The following KDM6A variants were observed in gnomAD, a reference collection of about 807,000 sequenced individuals.
KDM6A encodes the protein lysine demethylase 6A.
KDM6A carries 11 observed loss-of-function variants against 117.6 expected under a neutral mutation model. The ratio of observed to expected loss-of-function variants is 0.09; its 90% CI spans 0.06 to 0.15. KDM6A has a LOEUF of 0.15. Ranked by LOEUF, KDM6A falls within the 10% of genes least tolerant of loss-of-function variation. The pLI is 1.00. For synonymous variants in KDM6A, 384 were observed against 396.1 expected (o/e 0.97, Z 0.36); for missense variants, 799 against 1,077.3 (o/e 0.74, Z 3.62).
intron 4 of KDM6A, among the ~76,000 whole-genome samples, chrX:44,988,976 T>G (rs971461739): frequency 1.8e-5 from 2 of 109,607 alleles, no homozygotes; most frequent in African/African-American, 3.3e-5. Flanking sequence ...TTCTGCTGCC[T>G]TTTGTTTGGC....
intron 2 of KDM6A, among the ~76,000 whole-genome samples, chrX:44,937,721 A>G (rs774310415): frequency 4.5e-5 from 5 of 112,163 alleles, no homozygotes; most frequent in African/African-American, 1.6e-4. Context: ...TGAGTATTCA[A>G]GTGAAAGACA....
chrX:44,930,665 A>G (rs1415800125), intron 2 of KDM6A, among the ~76,000 whole-genome samples: 1 of 112,307 alleles, frequency 8.9e-6, no homozygotes, highest in Non-Finnish European at 1.9e-5. Flanking sequence ...TTTCAGGGGT[A>G]TGAAATAGTG....
rs371521010 is a variant in KDM6A, at chrX:45,061,329, T to G, written c.1491T>G (p.Thr497=). 4.6e-5 allele frequency: 53 copies of G among 1,152,640 alleles called. No individual in the cohort carries two copies. Among genetic ancestry groups the G allele is most frequent in the Non-Finnish European group, 6.0e-5 (51 of 846,465 alleles). The allele number at this position is 1,152,640 out of a possible 1,213,427, so 95.0% of individuals were successfully genotyped here. A position where few individuals can be genotyped will look rare whatever the true frequency, so the allele number is the denominator to read the frequency against. ...RKRTSSPTKN[T]SDNWSGGHAV... is the part of the protein sequence containing the mutation. ...TTTAAATCGATTTTCCTCAGAATACTTCTGACAATTGGAGTGGTGGACATG... is the reference window on the plus strand; with the variant it reads ...TTTAAATCGATTTTCCTCAGAATACGTCTGACAATTGGAGTGGTGGACATG... The change falls in exon 15 of 30, where the codon ACT becomes ACG. Residue 497 remains threonine (T), a synonymous_variant. Coordinates refer to ENST00000611820, the MANE Select transcript of KDM6A (RefSeq NM_001291415.2).
Position 45,078,483 on chromosome X carries a change from C to G in KDM6A, c.3072C>G (p.Gly1024=), listed in dbSNP as rs140462874. ...ACAACCCTGTTACAGTAATACGTGG[C>G]CTTGCTGGAGCTCTTAAGTTAGGTA... ...NPNNPVTVIR[G]LAGALKLDLG... is the part of the protein sequence containing the mutation. Residue 1024 remains glycine (G), a synonymous_variant, in exon 20 of 30, where the codon GGC becomes GGG. Coordinates refer to ENST00000611820, the MANE Select transcript of KDM6A (RefSeq NM_001291415.2). 112 of 1,205,700 alleles carry G rather than the reference C, an allele frequency of 9.3e-5. No homozygotes were observed. The highest frequency in any genetic ancestry group is 1.2e-4 in the Non-Finnish European group (108 of 892,411).
intron 2 of KDM6A, among the ~76,000 whole-genome samples, chrX:44,912,262 G>T (rs2035250892): frequency 9.1e-6 from 1 of 109,620 alleles, no homozygotes; most frequent in Non-Finnish European, 1.9e-5. Flanking sequence ...CAGTTTTTTT[G>T]TATTTTTAGT....
chrX:45,034,809 T>C, intron 6 of KDM6A, 122 bp from the exon 7 acceptor site: 1 of 559,188 alleles, frequency 1.8e-6, no homozygotes, highest in South Asian at 2.4e-5. Context: ...TAGGCTAGTG[T>C]ATTTTATTTG....
chrX:44,930,812 A>C (rs1414327426), intron 2 of KDM6A, among the ~76,000 whole-genome samples: 1 of 112,186 alleles, frequency 8.9e-6, no homozygotes. Context: ...TGGAATTAAA[A>C]CAAATGCCAC....
In KDM6A at chrX:45,069,722, A is replaced by G. The variant is rs2044725979; in HGVS notation, c.2223A>G (p.Ser741=). The G allele has an allele frequency of 4.1e-6, 5 of 1,209,933 alleles. No individual in the cohort carries two copies. The highest frequency in any genetic ancestry group is 5.6e-6 in the Non-Finnish European group (5 of 894,778). ...GACATCCCACCCTGCCTAGCAATTCAGTAACACAGGGGGCTGCTCTCAATC... is the reference window on the plus strand; with the variant it reads ...GACATCCCACCCTGCCTAGCAATTCGGTAACACAGGGGGCTGCTCTCAATC... ...QNGHPTLPSN[S]VTQGAALNHL... Residue 741 remains serine (S), a synonymous_variant, in exon 18 of 30, where the codon TCA becomes TCG. Coordinates refer to ENST00000611820, the MANE Select transcript of KDM6A (RefSeq NM_001291415.2).
At chrX:44,912,149 C>G (rs769996173) in intron 2 of KDM6A, among the ~76,000 whole-genome samples, 20 of 110,488 alleles carry the variant, frequency 1.8e-4, no homozygotes, top group Non-Finnish European at 3.2e-4. Flanking sequence ...AGTGCAATGG[C>G]GAGATCTTGG....
Position 45,111,771 on chromosome X carries a change from C to T in KDM6A, c.*360C>T, listed in dbSNP as rs764835502. 2.8e-4 allele frequency: 54 copies of T among 196,321 alleles called. No homozygotes were observed. Among genetic ancestry groups the T allele is most frequent in the African/African-American group, 1.4e-3 (49 of 34,362 alleles). 16.2% of individuals were successfully genotyped at this position (196,321 alleles called of 1,213,427 possible). ...TGTCTTTTCCCCCTTCAGAATTTTC[C>T]TTGGAAAAAAAATACTAGCCTAGCT... On this transcript the variant is annotated 3_prime_UTR_variant, in exon 30 of 30. Coordinates refer to ENST00000611820, the MANE Select transcript of KDM6A (RefSeq NM_001291415.2).
intron 2 of KDM6A, among the ~76,000 whole-genome samples, chrX:44,936,420 T>G (rs2036972308): frequency 8.9e-6 from 1 of 111,972 alleles, no homozygotes; most frequent in Non-Finnish European, 1.9e-5. Context: ...AGTTTTGTGG[T>G]CATACTTTCC....
intron 5 of KDM6A, among the ~76,000 whole-genome samples, chrX:45,017,334 G>A (rs1354827544): frequency 9.0e-6 from 1 of 111,608 alleles, no homozygotes; most frequent in Non-Finnish European, 1.9e-5. Flanking sequence ...GTGCCATAGA[G>A]ATCATGTTGT....
At chrX:44,978,063 G>A (rs917723771) in intron 4 of KDM6A, among the ~76,000 whole-genome samples, 7 of 112,332 alleles carry the variant, frequency 6.2e-5, no homozygotes, top group Admixed American at 2.8e-4. Flanking sequence ...CTATTTCTGT[G>A]TAGTCAGATT....
intron 14 of KDM6A, 128 bp from the exon 15 acceptor site, chrX:45,061,196 A>C (rs903700263): frequency 9.2e-5 from 36 of 392,982 alleles, no homozygotes; most frequent in Non-Finnish European, 1.2e-4. Flanking sequence ...AAAGAATTTA[A>C]TGTTATAACA....
intron 2 of KDM6A, among the ~76,000 whole-genome samples, chrX:44,954,531 G>T (rs2038209174): frequency 8.9e-6 from 1 of 111,749 alleles, no homozygotes; most frequent in African/African-American, 3.3e-5. Flanking sequence ...AAGTACCAGG[G>T]GTGATCTGCT....
intron 26 of KDM6A, 41 bp from the exon 27 acceptor site, chrX:45,090,682 G>A: frequency 2.5e-6 from 3 of 1,194,304 alleles, no homozygotes; most frequent in Non-Finnish European, 3.4e-6. Flanking sequence ...CATATCTTTT[G>A]GTACTTTGGG....
Position 45,035,004 on chromosome X carries a change from T to C in KDM6A, c.619+19T>C. 1 of 1,097,389 alleles carries C rather than the reference T, an allele frequency of 9.1e-7. No individual in the cohort carries two copies. Among genetic ancestry groups the C allele is most frequent in the South Asian group, 1.8e-5 (1 of 54,433 alleles). The allele number at this position is 1,097,389 out of a possible 1,213,427, so 90.4% of individuals were successfully genotyped here. On this transcript the variant is annotated intron_variant, in intron 7 of 29. Coordinates refer to ENST00000611820, the MANE Select transcript of KDM6A (RefSeq NM_001291415.2). ...GCTGAAAGTAAGTATTATTAAGTAC[T>C]GTAGTTTTCTACATGTATTCCGATC...
At chrX:45,019,825 C>A (rs1256036986) in intron 5 of KDM6A, among the ~76,000 whole-genome samples, 1 of 111,470 alleles carries the variant, frequency 9.0e-6, no homozygotes, top group Admixed American at 9.6e-5. Flanking sequence ...GTCATATGAT[C>A]AAATTAAACA....
rs137934980 is a variant in KDM6A, at chrX:45,009,112, A to C, written c.385-1849A>C. ...CAAACCCCAGGTTGGATCTCACGCA[A>C]GAAAGAATTCGAGGATAATCCAGAG... On this transcript the variant is annotated intron_variant, in intron 4 of 29. Coordinates refer to ENST00000611820, the MANE Select transcript of KDM6A (RefSeq NM_001291415.2). 2.0e-4 allele frequency among the ~76,000 whole-genome samples: 23 copies of C among 112,360 alleles called. No individual in the cohort carries two copies. In the East Asian group the frequency reaches 3.9e-3, roughly 19 times the overall value.
Sources: gnomAD v4.1 joint callset for allele counts (sites outside exome capture counted in the v4.1 genomes callset) on GRCh38, gnomAD v4.1.1 for gene constraint, MANE v1.5 for transcripts, NCBI Gene and HGNC (gene_info 2026-07-23, HGNC 2026-07-21) for gene names.